WDFY4: variants seen among roughly 807,000 people sequenced by gnomAD.
WDFY4 encodes WD repeat- and FYVE domain-containing protein 4.
A neutral mutation model predicts 351.9 loss-of-function variants in WDFY4; 169 were observed. The observed-to-expected ratio is 0.48, with a 90% CI of 0.42 to 0.55. The LOEUF is 0.55. Ranked by LOEUF, WDFY4 falls within the 20% of genes least tolerant of loss-of-function variation. WDFY4 has a pLI of 0.00. For synonymous variants in WDFY4, 1,622 were observed against 1,574.6 expected (o/e 1.03, Z -0.71); for missense variants, 3,803 against 3,935.6 (o/e 0.97, Z 0.90).
At chr10:48,698,975 G>GT (rs2063405323) in intron 1 of WDFY4, among the ~76,000 whole-genome samples, 1 of 152,222 alleles carries the variant, frequency 6.6e-6, no homozygotes, top group Non-Finnish European at 1.5e-5. Context: ...CTCTGGAGGA[G>GT]ATCAGAGGTC....
At chr10:48,966,085 T>C (rs1842068914) in intron 54 of WDFY4, among the ~76,000 whole-genome samples, 2 of 152,184 alleles carry the variant, frequency 1.3e-5, no homozygotes, top group Admixed American at 1.3e-4. Context: ...AAGACTTGTG[T>C]TGATGCTTAA....
chr10:48,913,573 G>A, intron 47 of WDFY4: 1 of 1,614,018 alleles, frequency 6.2e-7, no homozygotes, highest in African/African-American at 1.3e-5. Context: ...AAGTTCTCCA[G>A]CCTCCTGATG....
intron 30 of WDFY4, among the ~76,000 whole-genome samples, chr10:48,812,179 C>CTTTTTTT (rs1355851618): frequency 7.4e-5 from 10 of 134,556 alleles, no homozygotes; most frequent in African/African-American, 2.5e-4. Context: ...TCTTTCTTTT[C>CTTTTTTT]TTTTTTTTTT....
At chr10:48,891,266 T>C (rs2070684378) in intron 44 of WDFY4, among the ~76,000 whole-genome samples, 1 of 152,302 alleles carries the variant, frequency 6.6e-6, no homozygotes, top group Admixed American at 6.5e-5. Context: ...TTTTGCAGAA[T>C]GGGTGAGACT....
Position 48,976,931 on chromosome 10 carries a change from G to T in WDFY4, c.9243G>T (p.Trp3081Cys). The T allele has an allele frequency of 6.5e-7, 1 of 1,528,346 alleles. No homozygotes were observed. 94.7% of individuals were successfully genotyped at this position (1,528,346 alleles called of 1,614,324 possible). ...GCTGCCTGATGGAGGGCCCAGCATG[G>T]GACACAAGCCAGATCATCATCACCG... Reference protein sequence around the residue: ...TCCCLMEGPAWDTSQIIITGS... With the variant: ...TCCCLMEGPACDTSQIIITGS... Residue 3081 changes from tryptophan (W) to cysteine (C), a missense_variant, in exon 59 of 62, where the codon TGG becomes TGT. By Grantham distance (215) the Trp-to-Cys change is radical. Transcript: ENST00000325239.
chr10:48,776,750 G>A lies in WDFY4; in HGVS notation c.2864G>A (p.Gly955Glu). The A allele has an allele frequency of 6.5e-7, 1 of 1,536,118 alleles. No individual in the cohort carries two copies. Among genetic ancestry groups the A allele is most frequent in the Non-Finnish European group, 8.8e-7 (1 of 1,139,310 alleles). Reference protein sequence around the residue: ...HTHRGNPGCSGSQTAQGLAEG... With the variant: ...HTHRGNPGCSESQTAQGLAEG... ...TCTCTTCTCTTGCTTGCTGCCCTAGGGTCACAGACTGCACAGGGCTTGGCT... is the reference window on the plus strand; with the variant it reads ...TCTCTTCTCTTGCTTGCTGCCCTAGAGTCACAGACTGCACAGGGCTTGGCT... The change falls in exon 16 of 62, where the codon GGG becomes GAG. Residue 955 changes from glycine to glutamate, a missense_variant and splice_region_variant. Physicochemically the swap from Gly to Glu is moderately conservative, Grantham distance 98. Coordinates refer to ENST00000325239, the MANE Select transcript of WDFY4 (RefSeq NM_001394531.1).
intron 21 of WDFY4, among the ~76,000 whole-genome samples, 171 bp downstream of exon 21, chr10:48,788,846 G>T (rs1250413231): frequency 6.6e-6 from 1 of 152,114 alleles, no homozygotes; most frequent in Non-Finnish European, 1.5e-5. Flanking sequence ...CCCACCCACT[G>T]GTGTCCTCCC....
At chr10:48,691,383 A>C (rs1480576618) in intron 1 of WDFY4, among the ~76,000 whole-genome samples, 1 of 151,854 alleles carries the variant, frequency 6.6e-6, no homozygotes, top group African/African-American at 2.4e-5. Context: ...CCCACTTTCC[A>C]CCCGGGCCCC....
At chr10:48,768,723 A>AGAGAG (rs1555000834) in intron 13 of WDFY4, among the ~76,000 whole-genome samples, 1 of 140,978 alleles carries the variant, frequency 7.1e-6, no homozygotes, top group African/African-American at 2.7e-5. Context: ...GGGAGAGGAG[A>AGAGAG]AGAGAGAGAG....
intron 23 of WDFY4, among the ~76,000 whole-genome samples, chr10:48,795,259 A>T (rs897050581): frequency 1.3e-5 from 2 of 151,700 alleles, no homozygotes. Flanking sequence ...CAGGTGGGGG[A>T]GAGGAAGAGA....
intron 1 of WDFY4, among the ~76,000 whole-genome samples, chr10:48,706,587 C>G (rs116359650): frequency 6.6e-6 from 1 of 152,150 alleles, no homozygotes; most frequent in Admixed American, 6.5e-5. Flanking sequence ...TAGGGAAGCT[C>G]GAGCTCTTGT....
Position 48,810,668 on chromosome 10 carries a change from G to A in WDFY4, c.4977G>A (p.Arg1659=). 1.9e-6 allele frequency: 3 copies of A among 1,551,658 alleles called. No homozygotes were observed. Among genetic ancestry groups the A allele is most frequent in the Non-Finnish European group, 2.6e-6 (3 of 1,146,970 alleles). ...YFLASPSLRT[R]FRDGLCAGSW... is the part of the protein sequence containing the mutation. Reference sequence around the variant, plus strand: ...TGGCAAGCCCCTCCCTCCGCACACGGTTTAGAGATGGCCTGTGTGCAGGAT... The same window carrying A: ...TGGCAAGCCCCTCCCTCCGCACACGATTTAGAGATGGCCTGTGTGCAGGAT... The change falls in exon 29 of 62, where the codon CGG becomes CGA. Residue 1659 remains arginine (R), a synonymous_variant. Transcript: ENST00000325239.
At chr10:48,752,264 A>G (rs1346442083) in intron 12 of WDFY4, among the ~76,000 whole-genome samples, 1 of 152,206 alleles carries the variant, frequency 6.6e-6, no homozygotes, top group Non-Finnish European at 1.5e-5. Flanking sequence ...CGAATCACAA[A>G]TCCCTGGGGT....
chr10:48,796,469 C>T lies in WDFY4; in HGVS notation c.4410+19C>T. ...TTTCGAGGTAAATCAGAGATTGGCC[C>T]TTAGTCCTTCAGGAGTGTGTGTGAT... On this transcript the variant is annotated intron_variant, in intron 24 of 61. Coordinates refer to ENST00000325239, the MANE Select transcript of WDFY4 (RefSeq NM_001394531.1). 1 of 1,547,492 alleles carries T rather than the reference C, an allele frequency of 6.5e-7. No homozygotes were observed. The highest frequency in any genetic ancestry group is 8.7e-7 in the Non-Finnish European group (1 of 1,146,688).
At chr10:48,816,799 A>G (rs139215740) in intron 31 of WDFY4, among the ~76,000 whole-genome samples, 73 of 152,352 alleles carry the variant, frequency 4.8e-4, no homozygotes, top group African/African-American at 1.4e-3. Context: ...AAAGATGTGA[A>G]TTTTAGACTT....
At chr10:48,809,634 CCAA>C (rs2067383060) in intron 28 of WDFY4, among the ~76,000 whole-genome samples, 1 of 151,912 alleles carries the variant, frequency 6.6e-6, no homozygotes, top group Non-Finnish European at 1.5e-5. Flanking sequence ...ATCATCACCA[CCAA>C]CATCACCACA....
intron 1 of WDFY4, among the ~76,000 whole-genome samples, chr10:48,695,024 A>G (rs1453449605): frequency 6.6e-6 from 1 of 152,190 alleles, no homozygotes; most frequent in African/African-American, 2.4e-5. Context: ...TGCTCCTTGC[A>G]TGTTTAATAA....
intron 13 of WDFY4, among the ~76,000 whole-genome samples, chr10:48,765,407 T>C (rs1304194283): frequency 2.0e-5 from 3 of 152,226 alleles, no homozygotes; most frequent in Non-Finnish European, 4.4e-5. Context: ...GGGGATAATG[T>C]CATCTTCTTT....
At chr10:48,853,626 T>A (rs1290462282) in intron 39 of WDFY4, among the ~76,000 whole-genome samples, 3 of 152,174 alleles carry the variant, frequency 2.0e-5, no homozygotes, top group Non-Finnish European at 2.9e-5. Context: ...GTATAAGGTA[T>A]CAAAAATATT....
Sources: allele counts gnomAD v4.1 joint callset (sites outside exome capture counted in the v4.1 genomes callset), GRCh38; gene constraint gnomAD v4.1.1; transcripts MANE v1.5; gene names NCBI Gene and HGNC (gene_info 2026-07-23, HGNC 2026-07-21).